The following PIEZO2 variants were observed in gnomAD, a reference collection of about 807,000 sequenced individuals.
The protein encoded by PIEZO2 is piezo-type mechanosensitive ion channel component 2.
Under a neutral mutation model 337.3 loss-of-function variants are expected in PIEZO2, and 172 were observed. The ratio of observed to expected loss-of-function variants is 0.51; its 90% CI spans 0.45 to 0.58. The LOEUF (loss-of-function observed/expected upper bound fraction) is 0.58. PIEZO2 is among the 20% of genes least tolerant of loss of function. The pLI, the probability that PIEZO2 is intolerant of heterozygous loss-of-function variation, is 0.00. For missense variants in PIEZO2, 3,028 were observed against 3,391.3 expected (o/e 0.89, Z 2.66); for synonymous variants, 1,251 against 1,228.5 (o/e 1.02, Z -0.38).
intron 3 of PIEZO2, among the ~76,000 whole-genome samples, chr18:10,937,619 A>G (rs1447472953): frequency 1.3e-5 from 2 of 152,202 alleles, no homozygotes; most frequent in African/African-American, 2.4e-5. Flanking sequence ...ACCCTATATT[A>G]AAACATCAAG....
intron 53 of PIEZO2, among the ~76,000 whole-genome samples, chr18:10,675,929 C>T (rs9954564): frequency 0.25 from 38,033 of 152,112 alleles, 5,253 homozygotes; most frequent in African/African-American, 0.36. Flanking sequence ...ACTCCTCCTT[C>T]GCCTTCCACC....
At chr18:10,747,551 C>A (rs984571216) in intron 30 of PIEZO2, among the ~76,000 whole-genome samples, 2 of 152,270 alleles carry the variant, frequency 1.3e-5, no homozygotes, top group Non-Finnish European at 2.9e-5. Context: ...CGGAGCAGTG[C>A]GGTACATAAA....
At chr18:11,134,355 T>C (rs1049798658) in intron 1 of PIEZO2, among the ~76,000 whole-genome samples, 2 of 152,186 alleles carry the variant, frequency 1.3e-5, no homozygotes, top group Non-Finnish European at 1.5e-5. Context: ...TTGGCCACTT[T>C]GTTTTTCTAA....
intron 3 of PIEZO2, among the ~76,000 whole-genome samples, chr18:10,912,890 G>A (rs1340980849): frequency 6.6e-6 from 1 of 152,084 alleles, no homozygotes; most frequent in Non-Finnish European, 1.5e-5. Context: ...CACATTTAAA[G>A]CAGATTCAGG....
In PIEZO2 at chr18:11,003,424, C is replaced by T. The variant is rs2035615223; in HGVS notation, c.161-23764G>A. Among the ~76,000 whole-genome samples, 1 of 152,180 alleles carries T rather than the reference C, an allele frequency of 6.6e-6. No individual in the cohort carries two copies. The highest frequency in any genetic ancestry group is 2.4e-5 in the African/African-American group (1 of 41,444). On this transcript the variant is annotated intron_variant, in intron 2 of 55. Coordinates refer to ENST00000674853, the MANE Select transcript of PIEZO2 (RefSeq NM_001378183.1). The surrounding 1 kb of genome is among the most constrained non-coding windows in gnomAD (Gnocchi z 4.6). ...CTAAAGAAGAGTTAAATTCCTAAGG[C>T]ATATTTCTGGTCACAAAAACATCAC...
chr18:10,744,982 C>G (rs2037365612), intron 30 of PIEZO2, among the ~76,000 whole-genome samples: 1 of 152,150 alleles, frequency 6.6e-6, no homozygotes. Flanking sequence ...CTTGGAAAGT[C>G]TTGTGCTTCT....
In PIEZO2 at chr18:11,002,044, G is replaced by C. The variant is rs2035562575; in HGVS notation, c.161-22384C>G. Among the ~76,000 whole-genome samples the C allele has an allele frequency of 6.6e-6, 1 of 152,194 alleles. No individual in the cohort carries two copies. The highest frequency in any genetic ancestry group is 1.5e-5 in the Non-Finnish European group (1 of 68,046). On this transcript the variant is annotated intron_variant, in intron 2 of 55. Transcript: ENST00000674853. The surrounding 1 kb of genome is among the most constrained non-coding windows in gnomAD (Gnocchi z 4.3). ...CCAGAGAGTAGATATTTTAGGCTTT[G>C]TGAGACACATAGTCTCTGTTACAAT...
chr18:10,980,217 A>G lies in PIEZO2; in HGVS notation c.161-557T>C, dbSNP rs189425889. On this transcript the variant is annotated intron_variant, in intron 2 of 55. Coordinates refer to ENST00000674853, the MANE Select transcript of PIEZO2 (RefSeq NM_001378183.1). The surrounding 1 kb of genome is among the most constrained non-coding windows in gnomAD (Gnocchi z 4.8). Reference sequence around the variant, plus strand: ...ATACATAGGTTAAGGTTTATTATAGAAAAACCCTAAAAGTATAGTTAACAT... The same window carrying G: ...ATACATAGGTTAAGGTTTATTATAGGAAAACCCTAAAAGTATAGTTAACAT... Among the ~76,000 whole-genome samples, 6 of 152,334 alleles carry G rather than the reference A, an allele frequency of 3.9e-5. No individual in the cohort carries two copies. The highest frequency in any genetic ancestry group is 8.8e-5 in the Non-Finnish European group (6 of 68,026).
At chr18:10,909,814 CTTTCT>C (rs1342909918) in intron 4 of PIEZO2, among the ~76,000 whole-genome samples, 4 of 152,196 alleles carry the variant, frequency 2.6e-5, no homozygotes, top group African/African-American at 9.6e-5. Flanking sequence ...ACTTTCCATT[CTTTCT>C]TTTAAGTTGG....
intron 1 of PIEZO2, among the ~76,000 whole-genome samples, chr18:11,106,788 A>C (rs2039581783): frequency 6.6e-6 from 1 of 152,156 alleles, no homozygotes; most frequent in South Asian, 2.1e-4. Context: ...AGAGACCAGC[A>C]GTGCTCCTTT....
chr18:11,024,928 C>T (rs1568306770), intron 2 of PIEZO2, among the ~76,000 whole-genome samples: 1 of 151,182 alleles, frequency 6.6e-6, no homozygotes, highest in Non-Finnish European at 1.5e-5. Context: ...CATGAGCCAC[C>T]GTGCCCAGCG....
Position 10,724,975 on chromosome 18 carries a change from C to T in PIEZO2, c.5029+6432G>A, listed in dbSNP as rs2036472577. 1.3e-6 allele frequency: 2 copies of T among 1,583,550 alleles called. No homozygotes were observed. The highest frequency in any genetic ancestry group is 2.7e-5 in the African/African-American group (2 of 74,354). On this transcript the variant is annotated intron_variant, in intron 36 of 55. Transcript: ENST00000674853. This position sits in a 1 kb window ranked among gnomAD's most constrained non-coding sequence, Gnocchi z 5.8. ...CACCCTGCGGCCTGCAGCCTCCCTG[C>T]CTCACATTACTAAGACTCAAAGCGA... is the stretch of plus-strand genomic sequence containing the variant.
Position 10,846,498 on chromosome 18 carries a change from G to A in PIEZO2, c.917+8855C>T, listed in dbSNP as rs1040167219. Among the ~76,000 whole-genome samples the A allele has an allele frequency of 1.3e-5, 2 of 152,174 alleles. No individual in the cohort carries two copies. The highest frequency in any genetic ancestry group is 4.8e-5 in the African/African-American group (2 of 41,440). On this transcript the variant is annotated intron_variant, in intron 7 of 55. Coordinates refer to ENST00000674853, the MANE Select transcript of PIEZO2 (RefSeq NM_001378183.1). This position sits in a 1 kb window ranked among gnomAD's most constrained non-coding sequence, Gnocchi z 4.1. ...ATACAAGGGTTTTAGGAAACAGAGA[G>A]AGAAAAGAAGCTTGAACTAAGAGTT...
At chr18:11,049,335 G>C (rs1395100651) in intron 2 of PIEZO2, among the ~76,000 whole-genome samples, 1 of 152,214 alleles carries the variant, frequency 6.6e-6, no homozygotes, top group Non-Finnish European at 1.5e-5. Flanking sequence ...GGCAGAGCCA[G>C]ATTAATATTC....
chr18:10,726,518 C>T lies in PIEZO2; in HGVS notation c.5029+4889G>A. ...GCTCCGCAAGCAGCCGTTCCTGTGG[C>T]GCGCTGCGCTGCTCTGCTCTGCTAC... is the stretch of plus-strand genomic sequence containing the variant. On this transcript the variant is annotated intron_variant, in intron 36 of 55. Transcript: ENST00000674853. The surrounding 1 kb of genome is among the most constrained non-coding windows in gnomAD (Gnocchi z 5.9). The T allele has an allele frequency of 2.0e-6, 3 of 1,479,126 alleles. No homozygotes were observed. The highest frequency in any genetic ancestry group is 1.8e-6 in the Non-Finnish European group (2 of 1,117,604). The allele number at this position is 1,479,126 out of a possible 1,614,324, so 91.6% of individuals were successfully genotyped here. A position where few individuals can be genotyped will look rare whatever the true frequency, so the allele number is the denominator to read the frequency against.
At chr18:10,959,404 T>G (rs1184589440) in intron 3 of PIEZO2, among the ~76,000 whole-genome samples, 2 of 152,222 alleles carry the variant, frequency 1.3e-5, no homozygotes, top group Non-Finnish European at 2.9e-5. Context: ...TATTTAATTA[T>G]TTGAATGGAG....
intron 3 of PIEZO2, among the ~76,000 whole-genome samples, chr18:10,941,652 G>C (rs1476122953): frequency 6.6e-6 from 1 of 151,962 alleles, no homozygotes; most frequent in East Asian, 1.9e-4. Flanking sequence ...AGTAACAGTA[G>C]GAAAACATTC....
intron 4 of PIEZO2, among the ~76,000 whole-genome samples, chr18:10,887,408 C>G (rs901365245): frequency 1.3e-5 from 2 of 151,956 alleles, no homozygotes; most frequent in Non-Finnish European, 2.9e-5. Flanking sequence ...TGAGAACTTG[C>G]TATCACAAAG....
chr18:10,820,046 C>T (rs578260940), intron 7 of PIEZO2, among the ~76,000 whole-genome samples: 2 of 152,166 alleles, frequency 1.3e-5, no homozygotes, highest in East Asian at 1.9e-4. Context: ...TGTGATAATT[C>T]TTACCACTGT....
Sources: gnomAD v4.1 joint callset for allele counts (sites outside exome capture counted in the v4.1 genomes callset) on GRCh38, gnomAD v4.1.1 for gene constraint, Gnocchi (gnomAD v3.1) non-coding constraint, MANE v1.5 for transcripts, NCBI Gene and HGNC (gene_info 2026-07-23, HGNC 2026-07-21) for gene names.